Variants in KPNA3 observed in about 807,000 individuals in gnomAD.
KPNA3 encodes the protein importin subunit alpha-4.
In KPNA3, 13 loss-of-function variants were observed where a neutral mutation model predicts 73.8. The ratio of observed to expected loss-of-function variants is 0.18; its 90% CI spans 0.11 to 0.28. KPNA3 has a LOEUF of 0.28. Among genes scored for constraint, KPNA3 ranks in the 10% least tolerant of loss-of-function variants. The pLI, the probability that KPNA3 is intolerant of heterozygous loss-of-function variation, is 1.00. For missense variants in KPNA3, 360 were observed against 618.1 expected, an observed-to-expected ratio of 0.58 and a Z score of 4.43; for synonymous variants, 186 against 206.9, an observed-to-expected ratio of 0.90 and a Z score of 0.87.
chr13:49,779,497 C>G (rs1954924218), intron 1 of KPNA3, among the ~76,000 whole-genome samples: 1 of 152,150 alleles, frequency 6.6e-6, no homozygotes, highest in Admixed American at 6.5e-5. Flanking sequence ...TCTCACACAT[C>G]TCTTATATTT....
At chr13:49,775,073 G>T (rs1954885317) in intron 1 of KPNA3, among the ~76,000 whole-genome samples, 1 of 143,668 alleles carries the variant, frequency 7.0e-6, no homozygotes, top group Non-Finnish European at 1.5e-5. Flanking sequence ...AGCATCCCTT[G>T]AACTGGGAGG....
intron 1 of KPNA3, among the ~76,000 whole-genome samples, chr13:49,767,218 A>G (rs919554566): frequency 6.6e-6 from 1 of 151,880 alleles, no homozygotes; most frequent in Non-Finnish European, 1.5e-5. Flanking sequence ...GGAGTTCGAG[A>G]CCAGCCTGGC....
intron 1 of KPNA3, among the ~76,000 whole-genome samples, chr13:49,760,362 C>G (rs1197674592): frequency 1.3e-5 from 2 of 149,732 alleles, no homozygotes; most frequent in African/African-American, 4.9e-5. Context: ...TTGCAGTGAG[C>G]CAAGATCACA....
At chr13:49,762,211 C>T (rs1453456239) in intron 1 of KPNA3, among the ~76,000 whole-genome samples, 3 of 150,610 alleles carry the variant, frequency 2.0e-5, no homozygotes, top group African/African-American at 7.3e-5. Flanking sequence ...GAGGGCAGCC[C>T]CCGCCCGGCC....
intron 6 of KPNA3, among the ~76,000 whole-genome samples, chr13:49,730,153 T>G (rs1426612079): frequency 6.6e-6 from 1 of 152,114 alleles, no homozygotes; most frequent in Non-Finnish European, 1.5e-5. Flanking sequence ...ATATGTTATG[T>G]TTCATAGACA....
At chr13:49,775,299 C>A (rs1454576553) in intron 1 of KPNA3, among the ~76,000 whole-genome samples, 1 of 151,802 alleles carries the variant, frequency 6.6e-6, no homozygotes, top group Non-Finnish European at 1.5e-5. Flanking sequence ...TGCTTCCCAA[C>A]CACTTTCATA....
chr13:49,715,115 T>C (rs1954293562), intron 10 of KPNA3, among the ~76,000 whole-genome samples: 1 of 152,090 alleles, frequency 6.6e-6, no homozygotes, highest in Non-Finnish European at 1.5e-5. Flanking sequence ...AAGGAATGTA[T>C]AGATATTTCT....
At chr13:49,789,622 C>G (rs139738373) in intron 1 of KPNA3, among the ~76,000 whole-genome samples, 1 of 152,262 alleles carries the variant, frequency 6.6e-6, no homozygotes, top group East Asian at 1.9e-4. Context: ...GCCTGATAAC[C>G]ACAACTACTC....
intron 12 of KPNA3, among the ~76,000 whole-genome samples, chr13:49,706,977 C>T (rs529246696): frequency 1.5e-3 from 222 of 152,228 alleles, no homozygotes; most frequent in African/African-American, 4.8e-3. Flanking sequence ...TCTCGATCTC[C>T]TGACCTCGTG....
At chr13:49,721,868 A>T in intron 9 of KPNA3, 87 bp downstream of exon 9, 1 of 829,012 alleles carries the variant, frequency 1.2e-6, no homozygotes, top group Non-Finnish European at 1.8e-6. Flanking sequence ...AAATCAGTAT[A>T]TGTATTATTT....
At chr13:49,788,729 TTTTTTTTTTA>T (rs1955005698) in intron 1 of KPNA3, among the ~76,000 whole-genome samples, 1 of 107,404 alleles carries the variant, frequency 9.3e-6, no homozygotes, top group Non-Finnish European at 2.1e-5. Flanking sequence ...TTTTTTTTTT[TTTTTTTTTTA>T]AAAAAAAAAA....
chr13:49,786,843 A>G (rs544669393), intron 1 of KPNA3, among the ~76,000 whole-genome samples: 2 of 152,220 alleles, frequency 1.3e-5, no homozygotes, highest in Admixed American at 6.5e-5. Flanking sequence ...AGTAACACAG[A>G]AAGATATGAG....
chr13:49,705,437 T>G (rs1954199094), intron 15 of KPNA3, among the ~76,000 whole-genome samples, 184 bp downstream of exon 15: 1 of 151,958 alleles, frequency 6.6e-6, no homozygotes, highest in South Asian at 2.1e-4. Flanking sequence ...TTGCAAAGTA[T>G]GGACTACTGT....
At chr13:49,760,192 T>C (rs1954747238) in intron 1 of KPNA3, among the ~76,000 whole-genome samples, 1 of 152,076 alleles carries the variant, frequency 6.6e-6, no homozygotes, top group South Asian at 2.1e-4. Context: ...AGAAGACTGC[T>C]TGAGCTCAGG....
chr13:49,714,939 A>G (rs1954291907), intron 10 of KPNA3, among the ~76,000 whole-genome samples: 1 of 152,096 alleles, frequency 6.6e-6, no homozygotes, highest in African/African-American at 2.4e-5. Context: ...ACTAACATAT[A>G]ATGATCAAGT....
intron 1 of KPNA3, among the ~76,000 whole-genome samples, chr13:49,763,993 A>G (rs1447065902): frequency 2.0e-5 from 3 of 151,120 alleles, no homozygotes; most frequent in Non-Finnish European, 4.4e-5. Context: ...CCTGAGCCCA[A>G]GAGGTTGAGG....
At chr13:49,756,442 A>G (rs1954712613) in intron 1 of KPNA3, among the ~76,000 whole-genome samples, 1 of 152,158 alleles carries the variant, frequency 6.6e-6, no homozygotes, top group South Asian at 2.1e-4. Flanking sequence ...TTATTGTCCT[A>G]GTTACTTGGG....
chr13:49,705,359 CAAA>C (rs34997868), intron 15 of KPNA3, among the ~76,000 whole-genome samples: 46 of 117,188 alleles, frequency 3.9e-4, no homozygotes, highest in Non-Finnish European at 6.4e-4. Context: ...ATTCTGTCTC[CAAA>C]AAAAAAAAAA....
intron 12 of KPNA3, 46 bp downstream of exon 12, chr13:49,709,526 T>C (rs773310411): frequency 6.7e-7 from 1 of 1,489,208 alleles, no homozygotes. Context: ...CAGTTAAAAA[T>C]GAGACACAGA....
Sources: gnomAD v4.1 joint callset for allele counts (sites outside exome capture counted in the v4.1 genomes callset) on GRCh38, gnomAD v4.1.1 for gene constraint, MANE v1.5 for transcripts, NCBI Gene and HGNC (gene_info 2026-07-23, HGNC 2026-07-21) for gene names.